Variants in CACNA1A observed in about 807,000 individuals in gnomAD.
CACNA1A encodes calcium voltage-gated channel subunit alpha1 A.
A neutral mutation model predicts 262.4 loss-of-function variants in CACNA1A; 57 were observed. The observed-to-expected ratio is 0.22, with a 90% CI of 0.18 to 0.27. CACNA1A has a LOEUF of 0.27. Ranked by LOEUF, CACNA1A falls within the 10% of genes least tolerant of loss-of-function variation. The probability of loss-of-function intolerance (pLI) is 1.00; values close to 1 mark genes in which losing one functional copy is unlikely to be tolerated. For synonymous variants in CACNA1A, 1,431 were observed against 1,419.3 expected (o/e 1.01, Z -0.18); for missense variants, 2,526 against 3,562.8 (o/e 0.71, Z 7.41).
chr19:13,360,474 AT>A (rs58721308), intron 5 of CACNA1A, among the ~76,000 whole-genome samples: 8,614 of 126,210 alleles, frequency 0.068, 229 homozygotes, highest in East Asian at 0.17. Context: ...TGCCACTAGA[AT>A]TTTTTTTTTT....
intron 22 of CACNA1A, among the ~76,000 whole-genome samples, chr19:13,281,094 A>G (rs982814604): frequency 6.6e-6 from 1 of 152,168 alleles, no homozygotes; most frequent in African/African-American, 2.4e-5. Context: ...GGCCAATTAC[A>G]GGCATGTAAG....
In CACNA1A at chr19:13,234,971, A is replaced by C; in HGVS notation, c.5199T>G (p.Thr1733=). 1.2e-6 allele frequency: 2 copies of C among 1,613,918 alleles called. No individual in the cohort carries two copies. Among genetic ancestry groups the C allele is most frequent in the Non-Finnish European group, 1.7e-6 (2 of 1,179,758 alleles). Residue 1733 remains threonine, a synonymous_variant, in exon 34 of 47, where the codon ACT becomes ACG. Transcript: ENST00000360228. ...AGAAGGTCCGGAAGTTATTGTGCTCAGTGATTTGGAACTCATCTTCATCAC... is the reference window on the plus strand; with the variant it reads ...AGAAGGTCCGGAAGTTATTGTGCTCCGTGATTTGGAACTCATCTTCATCAC... ...EDSDEDEFQI[T]EHNNFRTFFQ... is the part of the protein sequence containing the mutation.
chr19:13,455,607 A>G (rs1305757530), intron 1 of CACNA1A, among the ~76,000 whole-genome samples: 3 of 152,224 alleles, frequency 2.0e-5, no homozygotes, highest in Admixed American at 2.0e-4. Context: ...TATGCTATAC[A>G]GTACACTGCA....
intron 3 of CACNA1A, among the ~76,000 whole-genome samples, chr19:13,399,520 G>GA (rs1448971483): frequency 2.0e-5 from 3 of 151,902 alleles, no homozygotes; most frequent in Non-Finnish European, 4.4e-5. Context: ...TGTCTTAGCA[G>GA]AAAAAAGTTC....
At chr19:13,376,803 AAT>A (rs962665533) in intron 3 of CACNA1A, among the ~76,000 whole-genome samples, 1,611 of 132,844 alleles carry the variant, frequency 0.012, 35 homozygotes, top group African/African-American at 0.044. Flanking sequence ...ATATACACAT[AAT>A]ATATGTTATG....
chr19:13,284,427 C>G (rs1191980372), intron 21 of CACNA1A: 1 of 152,230 alleles, frequency 6.6e-6, no homozygotes, highest in Non-Finnish European at 1.5e-5. Flanking sequence ...CCCATCTTAT[C>G]TGACATGATC....
chr19:13,328,473 G>A (rs1001868873), intron 10 of CACNA1A, among the ~76,000 whole-genome samples: 1 of 152,180 alleles, frequency 6.6e-6, no homozygotes, highest in East Asian at 1.9e-4. Flanking sequence ...GGTAATATTC[G>A]ATGGCCTGGG....
At chr19:13,221,243 T>TCTTTCTTTCTTTC in intron 38 of CACNA1A, among the ~76,000 whole-genome samples, 1 of 91,098 alleles carries the variant, frequency 1.1e-5, no homozygotes, top group East Asian at 3.8e-4. Context: ...TCTTTTTTTT[T>TCTTTCTTTCTTTC]TTTTTTTTGA....
At chr19:13,232,546 A>G (rs1192012089) in intron 34 of CACNA1A, among the ~76,000 whole-genome samples, 1 of 151,482 alleles carries the variant, frequency 6.6e-6, no homozygotes, top group East Asian at 1.9e-4. Context: ...CCTGGCTAAC[A>G]TGGTGAAACC....
At chr19:13,287,212 G>A (rs1250869093) in intron 19 of CACNA1A, among the ~76,000 whole-genome samples, 5 of 152,086 alleles carry the variant, frequency 3.3e-5, no homozygotes, top group Non-Finnish European at 7.4e-5. Flanking sequence ...ATTGACGGGC[G>A]TGGCGCTGTG....
rs34849471 is a variant in CACNA1A at position 13,360,265 on chromosome 19, GTATA to G, written c.785-470_785-467del. Among the ~76,000 whole-genome samples, 128 of 124,022 alleles carry G rather than the reference GTATA, an allele frequency of 1.0e-3. 1 individual carries two copies. Among genetic ancestry groups the G allele is most frequent in the Admixed American group, 1.2e-3 (14 of 11,734 alleles). 81.4% of individuals were successfully genotyped at this position (124,022 alleles called of 152,430 possible). On this transcript the variant is annotated intron_variant, in intron 5 of 46. Transcript: ENST00000360228. ...ATTAGGTGTCTGTGTGTGTGTGTGT[GTATA>G]TATATATATATATATATGAAGACAG... is the stretch of plus-strand genomic sequence containing the variant.
At chr19:13,391,016 A>G (rs2059701566) in intron 3 of CACNA1A, among the ~76,000 whole-genome samples, 1 of 151,996 alleles carries the variant, frequency 6.6e-6, no homozygotes, top group Admixed American at 6.6e-5. Context: ...CCTCCCAAGT[A>G]GCTGGGATTA....
chr19:13,368,338 C>CTTTT (rs796514314), intron 4 of CACNA1A, among the ~76,000 whole-genome samples: 57 of 140,690 alleles, frequency 4.1e-4, no homozygotes, highest in African/African-American at 1.1e-3. Context: ...CTATCATTGG[C>CTTTT]TTTTTTTTTT....
rs151303128 is a variant in CACNA1A, at chr19:13,370,527, C to T, written c.631+1161G>A. On this transcript the variant is annotated intron_variant, in intron 4 of 46. Transcript: ENST00000360228. ...CACTGCAGCCTTGACCTCCTGGGCTCAGATCCTCCTGCCTCAGCCTTTTAA... is the reference window on the plus strand; with the variant it reads ...CACTGCAGCCTTGACCTCCTGGGCTTAGATCCTCCTGCCTCAGCCTTTTAA... Among the ~76,000 whole-genome samples, 357 of 151,622 alleles carry T rather than the reference C, an allele frequency of 2.4e-3. 2 individuals are homozygous for T. The highest frequency in any genetic ancestry group is 7.0e-3 in the African/African-American group (288 of 41,312).
At position 13,257,453 on chromosome 19, in the gene CACNA1A, A is replaced by C; in HGVS notation, c.4487T>G (p.Val1496Gly). 1 of 1,613,926 alleles carries C rather than the reference A, an allele frequency of 6.2e-7. No homozygotes were observed. Among genetic ancestry groups the C allele is most frequent in the South Asian group, 1.1e-5 (1 of 91,074 alleles). Residue 1496 changes from valine to glycine, a missense_variant, in exon 28 of 47, where the codon GTG becomes GGG. Val to Gly is a moderately radical substitution (Grantham distance 109). Transcript: ENST00000360228. ...GATATTGACAAAGAAGAAGGGGAAC[A>C]CCACAAAGTAGACGACGTAGAAAAT... is the stretch of plus-strand genomic sequence containing the variant. ...MSIFYVVYFV[V>G]FPFFFVNIFV...
Position 13,241,539 on chromosome 19 carries a change from G to A in CACNA1A, c.4950+3643C>T, listed in dbSNP as rs779765938. 9 of 606,694 alleles carry A rather than the reference G, an allele frequency of 1.5e-5. No homozygotes were observed. In the Admixed American group the frequency reaches 1.6e-4, roughly 11 times the overall value. The allele number at this position is 606,694 out of a possible 1,614,324, so 37.6% of individuals were successfully genotyped here. ...GACCAACCGGATTCTAGATGCAGAT[G>A]TTGAAGATGAGGGGGAGCGGGCGGG... is the stretch of plus-strand genomic sequence containing the variant. On this transcript the variant is annotated intron_variant, in intron 31 of 46. Transcript: ENST00000360228. The surrounding 1 kb of genome is among the most constrained non-coding windows in gnomAD (Gnocchi z 4.0).
chr19:13,207,871 C>G lies in CACNA1A; in HGVS notation c.6963G>C (p.Gln2321His). 1 of 1,186,154 alleles carries G rather than the reference C, an allele frequency of 8.4e-7. No homozygotes were observed. Among genetic ancestry groups the G allele is most frequent in the Non-Finnish European group, 1.1e-6 (1 of 899,680 alleles). 73.5% of individuals were successfully genotyped at this position (1,186,154 alleles called of 1,614,324 possible). A position where few individuals can be genotyped will look rare whatever the true frequency, so the allele number is the denominator to read the frequency against. The stretch of plus-strand genomic sequence containing the variant: ...GCCTGGCCACCGCCTGCTGCTGCTG[C>G]TGCTGCTGCTGCTGCTGCTGCTGCT... ...PPQQQQQQQQ[Q>H]QQQQAVARPG... The change falls in exon 47 of 47, where the codon CAG (glutamine) becomes CAC (histidine). Residue 2321 changes from glutamine (Q) to histidine (H), a missense_variant. Gln to His is a conservative substitution (Grantham distance 24). Coordinates refer to ENST00000360228, the MANE Select transcript of CACNA1A (RefSeq NM_001127222.2). The surrounding 1 kb of genome is among the most constrained non-coding windows in gnomAD (Gnocchi z 5.7).
intron 3 of CACNA1A, among the ~76,000 whole-genome samples, chr19:13,429,164 GCGTACA>G (rs1263136229): frequency 9.4e-6 from 1 of 106,100 alleles, no homozygotes; most frequent in East Asian, 2.6e-4. Context: ...CTATCACTGT[GCGTACA>G]CACACACACA....
At chr19:13,349,451 A>G (rs1477637697) in intron 6 of CACNA1A, among the ~76,000 whole-genome samples, 2 of 152,152 alleles carry the variant, frequency 1.3e-5, no homozygotes, top group Non-Finnish European at 2.9e-5. Context: ...TTCCCCTGTG[A>G]GAGTGGAGAC....
Sources: gnomAD v4.1 joint callset for allele counts (sites outside exome capture counted in the v4.1 genomes callset) on GRCh38, gnomAD v4.1.1 for gene constraint, Gnocchi (gnomAD v3.1) non-coding constraint, MANE v1.5 for transcripts, NCBI Gene and HGNC (gene_info 2026-07-23, HGNC 2026-07-21) for gene names.